VWA8: variants seen among roughly 807,000 people sequenced by gnomAD.
VWA8 encodes von Willebrand factor A domain-containing protein 8.
Under a neutral mutation model 241.5 loss-of-function variants are expected in VWA8, and 221 were observed. The ratio of observed to expected loss-of-function variants is 0.91; its 90% confidence interval spans 0.82 to 1.02. The LOEUF is 1.02. VWA8 is among the 50% of genes least tolerant of loss of function. The probability of loss-of-function intolerance (pLI) is 0.00; values close to 1 mark genes in which losing one functional copy is unlikely to be tolerated. For synonymous variants in VWA8, 852 were observed against 827.1 expected (o/e 1.03, Z -0.52); for missense variants, 2,322 against 2,328.7 (o/e 1.00, Z 0.06).
chr13:41,933,295 C>A (rs1877207336), intron 2 of VWA8, among the ~76,000 whole-genome samples: 1 of 151,956 alleles, frequency 6.6e-6, no homozygotes, highest in South Asian at 2.1e-4. Context: ...AACAATACAA[C>A]ATTGCTGAGA....
Position 41,701,452 on chromosome 13 carries a change from C to T in VWA8, c.3304G>A (p.Ala1102Thr). 5.0e-6 allele frequency: 8 copies of T among 1,612,218 alleles called. No individual in the cohort carries two copies. Among genetic ancestry groups the T allele is most frequent in the Non-Finnish European group, 5.9e-6 (7 of 1,179,210 alleles). Residue 1102 changes from alanine (A) to threonine (T), a missense_variant, in exon 28 of 45, where the codon GCC becomes ACC. Ala to Thr is a moderately conservative substitution (Grantham distance 58, BLOSUM62 0). Transcript: ENST00000379310. The part of the protein sequence containing the change: ...ERSLNFTEEC[A>T]SWRIPLDEIN... The stretch of plus-strand genomic sequence containing the variant: ...TCATCCAATGGTATTCTCCATGAGG[C>T]ACATTCTTCAGTAAAGTTTAGGGAT...
At chr13:41,711,388 G>T (rs949646359) in intron 26 of VWA8, among the ~76,000 whole-genome samples, 2 of 152,122 alleles carry the variant, frequency 1.3e-5, no homozygotes, top group African/African-American at 2.4e-5. Flanking sequence ...TTTGTCCTCA[G>T]TAGTCTATTC....
At chr13:41,687,800 C>T (rs945578252) in intron 34 of VWA8, among the ~76,000 whole-genome samples, 8 of 152,102 alleles carry the variant, frequency 5.3e-5, no homozygotes, top group Non-Finnish European at 1.0e-4. Flanking sequence ...TTAAATACCT[C>T]CTATGTGGTA....
chr13:41,606,776 T>G (rs76730395), intron 39 of VWA8, among the ~76,000 whole-genome samples: 336 of 152,290 alleles, frequency 2.2e-3, no homozygotes, highest in African/African-American at 7.9e-3. Flanking sequence ...TAGACTACCA[T>G]GGGGCAGACT....
At position 41,641,278 on chromosome 13, in the gene VWA8, A is replaced by C. The variant is rs898740427; in HGVS notation, c.4612-26194T>G. Among the ~76,000 whole-genome samples the C allele has an allele frequency of 5.3e-5, 8 of 152,224 alleles. 1 individual carries two copies. Among genetic ancestry groups the C allele is most frequent in the Admixed American group, 3.3e-4 (5 of 15,276 alleles). On this transcript the variant is annotated intron_variant, in intron 37 of 44. Transcript: ENST00000379310. ...TGGGAGAAAGGATGTCCTGGGGTAA[A>C]CAACTAGAGCGAGAATTGCGGTGCT...
At chr13:41,712,784 A>G (rs934213134) in intron 26 of VWA8, among the ~76,000 whole-genome samples, 1 of 152,226 alleles carries the variant, frequency 6.6e-6, no homozygotes, top group Non-Finnish European at 1.5e-5. Context: ...AAACACACAA[A>G]TGTACATACC....
At chr13:41,912,417 G>T (rs1359748129) in intron 2 of VWA8, among the ~76,000 whole-genome samples, 1 of 152,030 alleles carries the variant, frequency 6.6e-6, no homozygotes, top group East Asian at 1.9e-4. Flanking sequence ...GCTAAAACAA[G>T]ATTAAGTTTA....
At chr13:41,778,175 G>C in intron 19 of VWA8, 119 bp from the exon 20 acceptor site, 1 of 569,370 alleles carries the variant, frequency 1.8e-6, no homozygotes, top group Non-Finnish European at 2.6e-6. Flanking sequence ...ATTATCAATC[G>C]ATTTGATATA....
At chr13:41,953,119 C>T (rs1461955706) in intron 1 of VWA8, among the ~76,000 whole-genome samples, 1 of 152,126 alleles carries the variant, frequency 6.6e-6, no homozygotes, top group South Asian at 2.1e-4. Flanking sequence ...ATATTAATAG[C>T]TTTAAGTAGC....
intron 20 of VWA8, among the ~76,000 whole-genome samples, chr13:41,773,949 T>C (rs1439468182): frequency 6.6e-6 from 1 of 152,196 alleles, no homozygotes; most frequent in Non-Finnish European, 1.5e-5. Flanking sequence ...CTATTTACTC[T>C]CTTGAGTAGG....
At chr13:41,900,690 CA>C (rs558105413) in intron 4 of VWA8, among the ~76,000 whole-genome samples, 2 of 150,032 alleles carry the variant, frequency 1.3e-5, no homozygotes, top group Non-Finnish European at 1.5e-5. Flanking sequence ...AGCAGTACTG[CA>C]AAAAAAAATT....
intron 21 of VWA8, among the ~76,000 whole-genome samples, chr13:41,753,573 T>C (rs1033856842): frequency 2.6e-5 from 4 of 152,222 alleles, no homozygotes; most frequent in Non-Finnish European, 5.9e-5. Context: ...TTAAATTACA[T>C]ATATCATTCT....
At chr13:41,904,223 T>C (rs1393375848) in intron 4 of VWA8, among the ~76,000 whole-genome samples, 1 of 152,204 alleles carries the variant, frequency 6.6e-6, no homozygotes, top group African/African-American at 2.4e-5. Flanking sequence ...TTTAGTTTCC[T>C]AAAACAATTT....
chr13:41,882,193 A>C (rs1289183140), intron 9 of VWA8, among the ~76,000 whole-genome samples: 7 of 147,740 alleles, frequency 4.7e-5, no homozygotes, highest in Non-Finnish European at 1.0e-4. Flanking sequence ...CTCTCCCCAC[A>C]TCTCAGACGA....
chr13:41,672,631 T>C (rs1319545680), intron 36 of VWA8, among the ~76,000 whole-genome samples: 1 of 152,150 alleles, frequency 6.6e-6, no homozygotes, highest in East Asian at 1.9e-4. Flanking sequence ...CCTTAGTTGA[T>C]ACTAAACACA....
chr13:41,702,836 C>T (rs1474823605), intron 27 of VWA8, among the ~76,000 whole-genome samples: 2 of 152,200 alleles, frequency 1.3e-5, no homozygotes, highest in Non-Finnish European at 2.9e-5. Flanking sequence ...CCCTCAACTT[C>T]TGTTCCTGCT....
chr13:41,899,876 T>C (rs950817126), intron 4 of VWA8, among the ~76,000 whole-genome samples: 3 of 152,192 alleles, frequency 2.0e-5, no homozygotes, highest in Admixed American at 6.5e-5. Flanking sequence ...CTTACATCAA[T>C]ACCCACTTTG....
chr13:41,898,751 A>G (rs1038647496), intron 4 of VWA8, among the ~76,000 whole-genome samples: 1 of 152,178 alleles, frequency 6.6e-6, no homozygotes, highest in Non-Finnish European at 1.5e-5. Context: ...GCCCGGCGAG[A>G]AATCGAGCGC....
At chr13:41,659,667 A>G (rs536003440) in intron 37 of VWA8, among the ~76,000 whole-genome samples, 9 of 152,346 alleles carry the variant, frequency 5.9e-5, no homozygotes, top group African/African-American at 1.9e-4. Flanking sequence ...GTCTCTATCC[A>G]GCTGTTACAT....
Sources: allele counts gnomAD v4.1 joint callset (sites outside exome capture counted in the v4.1 genomes callset), GRCh38; gene constraint gnomAD v4.1.1; transcripts MANE v1.5; gene names NCBI Gene and HGNC (gene_info 2026-07-23, HGNC 2026-07-21).